Variants in UNC13C observed in about 807,000 individuals in gnomAD.
UNC13C encodes the protein protein unc-13 homolog C.
UNC13C carries 174 observed loss-of-function variants against 245.4 expected under a neutral mutation model. The ratio of observed to expected loss-of-function variants is 0.71; its 90% CI spans 0.63 to 0.80. UNC13C has a LOEUF of 0.80. Among genes scored for constraint, UNC13C ranks in the 30% least tolerant of loss-of-function variants. The pLI, the probability that UNC13C is intolerant of heterozygous loss-of-function variation, is 0.00. For missense variants in UNC13C, 2,829 were observed against 2,602.9 expected, an observed-to-expected ratio of 1.09 and a Z score of -1.89; for synonymous variants, 992 against 895.1, an observed-to-expected ratio of 1.11 and a Z score of -1.93.
At chr15:54,309,049 G>A (rs1274704814) in intron 13 of UNC13C, among the ~76,000 whole-genome samples, 5 of 151,668 alleles carry the variant, frequency 3.3e-5, no homozygotes, top group South Asian at 2.1e-4. Context: ...TTATATAATA[G>A]TTCTATTTTT....
At chr15:54,237,877 C>T (rs906115328) in intron 7 of UNC13C, among the ~76,000 whole-genome samples, 187 bp downstream of exon 7, 1 of 152,128 alleles carries the variant, frequency 6.6e-6, no homozygotes, top group Non-Finnish European at 1.5e-5. Context: ...GTCTTCTCCT[C>T]AAATACTTAT....
Position 54,013,274 on chromosome 15 carries a change from A to C in UNC13C, c.371A>C (p.Glu124Ala). ...CTGCTTCAAGAGCTCTCTTCAATCG[A>C]GAGTTCCTACTCAGAATCATTAAAT... is the stretch of plus-strand genomic sequence containing the variant. The part of the protein sequence containing the change: ...EDLLQELSSI[E>A]SSYSESLNEL... The change falls in exon 2 of 33, where the codon GAG becomes GCG. Residue 124 changes from glutamate to alanine, a missense_variant. Physicochemically the swap from Glu to Ala is moderately radical, Grantham distance 107. Coordinates refer to ENST00000260323, the MANE Select transcript of UNC13C (RefSeq NM_001080534.3). The C allele has an allele frequency of 6.2e-7, 1 of 1,613,794 alleles. No individual in the cohort carries two copies. The highest frequency in any genetic ancestry group is 8.5e-7 in the Non-Finnish European group (1 of 1,179,812).
chr15:53,852,081 TGTGACTG>T, the UNC13C span, among the ~76,000 whole-genome samples: 2 of 152,194 alleles, frequency 1.3e-5, no homozygotes. Flanking sequence ...AGGCCAGAGT[TGTGACTG>T]GTATCTGGAG....
intron 2 of UNC13C, among the ~76,000 whole-genome samples, chr15:54,123,104 T>C (rs1191174689): frequency 6.6e-6 from 1 of 152,006 alleles, no homozygotes; most frequent in Non-Finnish European, 1.5e-5. Flanking sequence ...TCTTATCAAC[T>C]CTTATTATTG....
At chr15:54,363,571 C>T (rs1473830286) in intron 17 of UNC13C, among the ~76,000 whole-genome samples, 1 of 152,092 alleles carries the variant, frequency 6.6e-6, no homozygotes, top group Non-Finnish European at 1.5e-5. Flanking sequence ...TTGGATTTGT[C>T]CTGGAGGAAA....
intron 10 of UNC13C, 77 bp from the exon 11 acceptor site, chr15:54,293,818 A>G: frequency 8.1e-7 from 1 of 1,233,926 alleles, no homozygotes. Context: ...TAGAATAGAT[A>G]GAAAATAAAG....
At position 54,218,947 on chromosome 15, in the gene UNC13C, G is replaced by T. The variant is rs2035130045; in HGVS notation, c.3072-16083G>T. ...CAAACCACTGCTCAATGAAATAAAA[G>T]AGGATACAAACAAATGGAAGAACAT... On this transcript the variant is annotated intron_variant, in intron 4 of 32. Transcript: ENST00000260323. Among the ~76,000 whole-genome samples, 3 of 152,066 alleles carry T rather than the reference G, an allele frequency of 2.0e-5. No individual in the cohort carries two copies. In the South Asian group the frequency reaches 6.2e-4, roughly 32 times the overall value.
chr15:54,460,347 T>C (rs1189644253), intron 19 of UNC13C, among the ~76,000 whole-genome samples: 4 of 152,224 alleles, frequency 2.6e-5, no homozygotes, highest in Non-Finnish European at 5.9e-5. Flanking sequence ...TTTTGTTTAG[T>C]GTGCTGGTTT....
chr15:53,924,245 A>G, the UNC13C span, among the ~76,000 whole-genome samples: 2 of 142,464 alleles, frequency 1.4e-5, no homozygotes, highest in Non-Finnish European at 3.2e-5. Context: ...AAAAACAAAA[A>G]AAGAGATAGC....
At chr15:53,900,544 G>A in the UNC13C span, among the ~76,000 whole-genome samples, 1 of 152,200 alleles carries the variant, frequency 6.6e-6, no homozygotes, top group African/African-American at 2.4e-5. Context: ...TAGGAAACCA[G>A]TGAGATATGG....
At chr15:54,505,648 ACT>A (rs71815845) in intron 22 of UNC13C, among the ~76,000 whole-genome samples, 21,135 of 151,608 alleles carry the variant, frequency 0.14, 1,503 homozygotes, top group Non-Finnish European at 0.15. Flanking sequence ...TACTTTGCAC[ACT>A]CTCATTCAAG....
At chr15:54,556,621 C>T (rs1482090342) in intron 29 of UNC13C, among the ~76,000 whole-genome samples, 1 of 151,788 alleles carries the variant, frequency 6.6e-6, no homozygotes, top group Non-Finnish European at 1.5e-5. Context: ...AAATGAACAA[C>T]ATGAAAAAGA....
chr15:54,627,416 T>C lies in UNC13C; in HGVS notation c.*303T>C, dbSNP rs1901254175. ...ACATAATTTTTAAAAACTAGTCTTTTGAGTTTGCCCATCAGTTGTCTTTGT... is the reference window on the plus strand; with the variant it reads ...ACATAATTTTTAAAAACTAGTCTTTCGAGTTTGCCCATCAGTTGTCTTTGT... On this transcript the variant is annotated 3_prime_UTR_variant, in exon 33 of 33. Transcript: ENST00000260323. 4.8e-6 allele frequency: 1 copy of C among 209,860 alleles called. No homozygotes were observed. Among genetic ancestry groups the C allele is most frequent in the South Asian group, 1.3e-4 (1 of 7,628 alleles). The allele number at this position is 209,860 out of a possible 1,614,324, so 13.0% of individuals were successfully genotyped here. A position where few individuals can be genotyped will look rare whatever the true frequency, so the allele number is the denominator to read the frequency against.
intron 4 of UNC13C, among the ~76,000 whole-genome samples, chr15:54,229,517 T>C (rs2035489499): frequency 6.6e-6 from 1 of 152,192 alleles, no homozygotes; most frequent in Non-Finnish European, 1.5e-5. Flanking sequence ...ATTGGAATAA[T>C]TGTACGTATT....
At chr15:54,148,233 T>C (rs1281309825) in intron 4 of UNC13C, among the ~76,000 whole-genome samples, 2 of 152,298 alleles carry the variant, frequency 1.3e-5, no homozygotes, top group East Asian at 1.9e-4. Flanking sequence ...CAAAAAATAT[T>C]AATAAGAAAC....
chr15:54,246,484 G>A (rs1258134798), intron 7 of UNC13C, among the ~76,000 whole-genome samples: 1 of 150,680 alleles, frequency 6.6e-6, no homozygotes, highest in African/African-American at 2.4e-5. Context: ...GGAAGGATAT[G>A]TATCAAATAA....
intron 2 of UNC13C, among the ~76,000 whole-genome samples, chr15:54,067,360 G>A (rs1373911941): frequency 2.0e-5 from 3 of 151,870 alleles, no homozygotes; most frequent in East Asian, 1.9e-4. Context: ...CCTAATTTTG[G>A]ATTTTCTAGT....
chr15:54,468,983 A>G (rs550512971), intron 19 of UNC13C, among the ~76,000 whole-genome samples: 11 of 151,694 alleles, frequency 7.3e-5, no homozygotes, highest in Non-Finnish European at 1.2e-4. Flanking sequence ...AATAGCATTG[A>G]AATATTTATA....
At chr15:54,344,677 G>A (rs1032121918) in intron 17 of UNC13C, among the ~76,000 whole-genome samples, 1 of 152,142 alleles carries the variant, frequency 6.6e-6, no homozygotes, top group Non-Finnish European at 1.5e-5. Context: ...TCTCCCCTCA[G>A]TTGGCTGCAA....
Sources: gnomAD v4.1 joint callset for allele counts (sites outside exome capture counted in the v4.1 genomes callset) on GRCh38, gnomAD v4.1.1 for gene constraint, MANE v1.5 for transcripts, NCBI Gene and HGNC (gene_info 2026-07-23, HGNC 2026-07-21) for gene names.